BDH1: variants seen among roughly 807,000 people sequenced by gnomAD.
The protein encoded by BDH1 is 3-hydroxybutyrate dehydrogenase 1, also known as D-beta-hydroxybutyrate dehydrogenase, mitochondrial.
In BDH1, 30 loss-of-function variants were observed where a neutral mutation model predicts 33.1. That is an observed-to-expected ratio of 0.91 (90% CI 0.68 to 1.23). BDH1 has a LOEUF of 1.23. Ranked by LOEUF, BDH1 falls within the 50% of genes most tolerant of loss-of-function variation. BDH1 has a pLI of 0.00. For synonymous variants in BDH1, 190 were observed against 183.6 expected (o/e 1.03, Z -0.28); for missense variants, 443 against 464.4 (o/e 0.95, Z 0.42).
In BDH1 at chr3:197,510,701, GTGTGTGTGTGTGTGTGTACA is replaced by G; in HGVS notation, c.*1174_*1193del. The G allele has an allele frequency of 3.4e-5, 4 of 119,394 alleles. No individual in the cohort carries two copies. The highest frequency in any genetic ancestry group is 1.2e-4 in the African/African-American group (3 of 26,062). 7.4% of individuals were successfully genotyped at this position (119,394 alleles called of 1,614,324 possible). On this transcript the variant is annotated 3_prime_UTR_variant, in exon 8 of 8. Coordinates refer to ENST00000392379, the MANE Select transcript of BDH1 (RefSeq NM_203314.3). ...GTGTGTAAGGTGTGTGTGTGTGTGTGTGTGTGTGTGTGTGTGTACATGTGTGTAAGCACCACGTGAGGCAA... is the reference window on the plus strand; with the variant it reads ...GTGTGTAAGGTGTGTGTGTGTGTGTGTGTGTGTAAGCACCACGTGAGGCAA...
At chr3:197,556,854 G>A (rs1717071654), upstream of BDH1, among the ~76,000 whole-genome samples, 1 of 152,196 alleles carries the variant, frequency 6.6e-6, no homozygotes, top group Non-Finnish European at 1.5e-5. Flanking sequence ...TGAGAAACAG[G>A]CTGAGGAGAG....
In BDH1 at chr3:197,537,284, C is replaced by T. The variant is rs1469228450; in HGVS notation, c.84-3723G>A. ...GATTACAGGCATGAACTACCACATC[C>T]GGTCGAAACTGTATTGTTTTAAAAT... On this transcript the variant is annotated intron_variant, in intron 3 of 7. Transcript: ENST00000392379. Among the ~76,000 whole-genome samples the T allele has an allele frequency of 3.3e-5, 5 of 152,174 alleles. No homozygotes were observed. In the East Asian group the frequency reaches 7.7e-4, roughly 23 times the overall value.
chr3:197,544,052 C>G (rs1384418196), intron 3 of BDH1, among the ~76,000 whole-genome samples: 1 of 152,194 alleles, frequency 6.6e-6, no homozygotes, highest in Non-Finnish European at 1.5e-5. Context: ...ATGCTATCAG[C>G]AAGATTCACT....
intron 5 of BDH1, 89 bp downstream of exon 5, chr3:197,532,323 G>A: frequency 1.8e-6 from 2 of 1,109,718 alleles, no homozygotes; most frequent in Non-Finnish European, 2.7e-6. Flanking sequence ...GCAAAGGTGA[G>A]CCAGTTGTTA....
In BDH1 at chr3:197,512,895, G is replaced by A. The variant is rs1224675862; in HGVS notation, c.563-531C>T. The stretch of plus-strand genomic sequence containing the variant: ...ACAGCAGCCCTGGCGATGGGGGTTG[G>A]AGTGCAGACGAGGAAGTACCTGGGG... On this transcript the variant is annotated intron_variant, in intron 7 of 7. Coordinates refer to ENST00000392379, the MANE Select transcript of BDH1 (RefSeq NM_203314.3). Among the ~76,000 whole-genome samples the A allele has an allele frequency of 2.0e-5, 3 of 152,212 alleles. No homozygotes were observed. The East Asian group carries it at 5.8e-4, about 29-fold the overall frequency.
At chr3:197,564,525 C>T (rs35077721) in intron 1 of BDH1, among the ~76,000 whole-genome samples, 7,838 of 152,054 alleles carry the variant, frequency 0.052, 264 homozygotes, top group African/African-American at 0.073. Flanking sequence ...AAAGTTTAAA[C>T]ACTGACAGCA....
intron 5 of BDH1, among the ~76,000 whole-genome samples, chr3:197,527,120 C>T (rs1714174238): frequency 6.6e-6 from 1 of 152,190 alleles, no homozygotes; most frequent in African/African-American, 2.4e-5. Flanking sequence ...AACATGAGGA[C>T]ACTCGACACA....
chr3:197,542,521 CTTTTTTTT>C (rs71164295), intron 3 of BDH1, among the ~76,000 whole-genome samples: 1 of 106,448 alleles, frequency 9.4e-6, no homozygotes, highest in Non-Finnish European at 1.8e-5. Context: ...TTCTTGCTTG[CTTTTTTTT>C]TTTTTTTTTT....
intron 6 of BDH1, among the ~76,000 whole-genome samples, chr3:197,519,486 C>T (rs773090801): frequency 3.8e-4 from 57 of 151,380 alleles, no homozygotes; most frequent in Admixed American, 1.2e-3. Context: ...CCTTGTGAAA[C>T]CCCTTCTTTA....
intron 4 of BDH1, among the ~76,000 whole-genome samples, chr3:197,533,236 C>G (rs1022250782): frequency 4.0e-5 from 6 of 151,868 alleles, no homozygotes; most frequent in African/African-American, 1.5e-4. Context: ...TCTCGCCCCC[C>G]ACCTAGGCCT....
At chr3:197,542,512 TCTTG>T (rs1398912013) in intron 3 of BDH1, among the ~76,000 whole-genome samples, 11 of 141,458 alleles carry the variant, frequency 7.8e-5, no homozygotes, top group Non-Finnish European at 1.5e-4. Flanking sequence ...ACGCTTTCTT[TCTTG>T]CTTGCTTTTT....
chr3:197,533,627 A>G, intron 3 of BDH1, 66 bp from the exon 4 acceptor site: 1 of 1,511,224 alleles, frequency 6.6e-7, no homozygotes. Flanking sequence ...ACACTGGCCT[A>G]GAGCAGCACT....
Position 197,510,684 on chromosome 3 carries a change from G to GTGTGTGTGTGTGTGTGTGTGTGT in BDH1, c.*1210_*1211insACACACACACACACACACACACA, listed in dbSNP as rs1560296905. On this transcript the variant is annotated 3_prime_UTR_variant, in exon 8 of 8. Coordinates refer to ENST00000392379, the MANE Select transcript of BDH1 (RefSeq NM_203314.3). ...TGTGTGTGTGTGTACATGTGTGTAA[G>GTGTGTGTGTGTGTGTGTGTGTGT]GTGTGTGTGTGTGTGTGTGTGTGTG... 1.4e-4 allele frequency: 8 copies of GTGTGTGTGTGTGTGTGTGTGTGT among 58,712 alleles called. No homozygotes were observed. The highest frequency in any genetic ancestry group is 3.1e-4 in the African/African-American group (4 of 13,010). 3.6% of individuals were successfully genotyped at this position (58,712 alleles called of 1,614,324 possible). A position where few individuals can be genotyped will look rare whatever the true frequency, so the allele number is the denominator to read the frequency against.
At chr3:197,548,393 T>C (rs1265744636) in intron 2 of BDH1, among the ~76,000 whole-genome samples, 4 of 152,208 alleles carry the variant, frequency 2.6e-5, no homozygotes. Flanking sequence ...AAACTTCCCA[T>C]CCAGTCATCT....
At chr3:197,566,359 G>A (rs1717431711) in intron 1 of BDH1, among the ~76,000 whole-genome samples, 1 of 152,206 alleles carries the variant, frequency 6.6e-6, no homozygotes, top group Non-Finnish European at 1.5e-5. Context: ...ATTGTAAAGG[G>A]TTCCTGATGT....
chr3:197,545,908 G>C (rs183194934), intron 3 of BDH1, among the ~76,000 whole-genome samples: 81 of 152,298 alleles, frequency 5.3e-4, no homozygotes, highest in African/African-American at 1.9e-3. Context: ...AGGCCAAGGC[G>C]GGTGGATCAC....
chr3:197,522,121 G>A lies in BDH1; in HGVS notation c.409+519C>T. On this transcript the variant is annotated intron_variant, in intron 6 of 7. Transcript: ENST00000392379. This position sits in a 1 kb window ranked among gnomAD's most constrained non-coding sequence, Gnocchi z 4.8. ...CGTGCTCCTCGAAGCTGTGGTTCCT[G>A]CTCTCCCCTCCTCTTGGAACAACCA... 6.6e-6 allele frequency among the ~76,000 whole-genome samples: 1 copy of A among 152,126 alleles called. No homozygotes were observed. Among genetic ancestry groups the A allele is most frequent in the East Asian group, 1.9e-4 (1 of 5,180 alleles).
intron 1 of BDH1, among the ~76,000 whole-genome samples, chr3:197,555,018 A>T (rs1372461278): frequency 2.6e-5 from 4 of 152,184 alleles, no homozygotes; most frequent in Non-Finnish European, 5.9e-5. Flanking sequence ...ATTGGTTGAG[A>T]CAGCACCGCC....
At chr3:197,550,827 C>T (rs962940974) in intron 2 of BDH1, among the ~76,000 whole-genome samples, 3 of 152,310 alleles carry the variant, frequency 2.0e-5, no homozygotes, top group Middle Eastern at 3.4e-3. Flanking sequence ...CCATGCTGTG[C>T]CTTTACAGTC....
Sources: gnomAD v4.1 joint callset for allele counts (sites outside exome capture counted in the v4.1 genomes callset) on GRCh38, gnomAD v4.1.1 for gene constraint, Gnocchi (gnomAD v3.1) non-coding constraint, MANE v1.5 for transcripts, NCBI Gene and HGNC (gene_info 2026-07-23, HGNC 2026-07-21) for gene names.